Variants in ZDHHC11B observed in about 807,000 individuals in gnomAD.
ZDHHC11B encodes probable palmitoyltransferase ZDHHC11B.
ZDHHC11B carries 17 observed loss-of-function variants against 42.3 expected under a neutral mutation model. The observed-to-expected ratio is 0.40, with a 90% CI of 0.27 to 0.60. The LOEUF (loss-of-function observed/expected upper bound fraction) is 0.60. ZDHHC11B is among the 20% of genes least tolerant of loss of function. ZDHHC11B has a pLI of 0.41. For synonymous variants in ZDHHC11B, 123 were observed against 193.5 expected (o/e 0.64, Z 3.02); for missense variants, 262 against 463.2 (o/e 0.57, Z 3.99).
Position 716,884 on chromosome 5 carries a change from AAG to A in ZDHHC11B, c.1059-21_1059-20del, listed in dbSNP as rs1367397056. The A allele has an allele frequency of 5.0e-6, 8 of 1,612,630 alleles. No homozygotes were observed. Among genetic ancestry groups the A allele is most frequent in the Non-Finnish European group, 6.8e-6 (8 of 1,179,310 alleles). The stretch of plus-strand genomic sequence containing the variant: ...TTGCAGCCTGTTTGCAATATTCAGA[AAG>A]AGAGACAACAGAGAACGTATGATGT... On this transcript the variant is annotated intron_variant, in intron 12 of 13. Transcript: ENST00000508859.
intron 1 of ZDHHC11B, among the ~76,000 whole-genome samples, chr5:780,795 C>G (rs1381812684): frequency 6.6e-6 from 1 of 151,792 alleles, no homozygotes; most frequent in South Asian, 2.1e-4. Context: ...ATGGCCCAGG[C>G]TCCTCAGGCA....
At chr5:714,758 A>T (rs1741622738) in intron 13 of ZDHHC11B, among the ~76,000 whole-genome samples, 1 of 137,732 alleles carries the variant, frequency 7.3e-6, no homozygotes, top group African/African-American at 2.6e-5. Flanking sequence ...TGGTTTGGAC[A>T]TCTGACCCTT....
intron 12 of ZDHHC11B, among the ~76,000 whole-genome samples, chr5:724,951 C>CA (rs1240367149): frequency 3.4e-5 from 5 of 146,308 alleles, no homozygotes; most frequent in African/African-American, 1.3e-4. Context: ...GAGATGCACA[C>CA]ACGGCACTTC....
intron 7 of ZDHHC11B, among the ~76,000 whole-genome samples, chr5:750,744 C>G (rs1410912261): frequency 7.8e-6 from 1 of 128,284 alleles, no homozygotes; most frequent in African/African-American, 2.6e-5. Context: ...CCTCCACTCT[C>G]CCTCCCCATG....
At chr5:713,283 T>C (rs1741507298) in intron 13 of ZDHHC11B, among the ~76,000 whole-genome samples, 2 of 152,010 alleles carry the variant, frequency 1.3e-5, no homozygotes, top group South Asian at 4.2e-4. Flanking sequence ...ATCCATCCAC[T>C]TTAAAAAAAT....
chr5:772,443 C>G (rs1186444780), intron 1 of ZDHHC11B, among the ~76,000 whole-genome samples: 2 of 151,914 alleles, frequency 1.3e-5, no homozygotes, highest in Non-Finnish European at 2.9e-5. Flanking sequence ...ATGCTTCGGG[C>G]TGGGACTTGG....
rs546530115 is a variant in ZDHHC11B, at chr5:774,401, C to T, written c.-229-5471G>A. Among the ~76,000 whole-genome samples the T allele has an allele frequency of 3.9e-5, 6 of 152,324 alleles. No homozygotes were observed. The South Asian group carries it at 1.0e-3, about 26-fold the overall frequency. On this transcript the variant is annotated intron_variant, in intron 1 of 13. Transcript: ENST00000508859. ...CACTAGGACTGACCGGGCTCTGTCA[C>T]TAGGAACAGGGGTCTCGCACTTGGG...
At position 767,053 on chromosome 5, in the gene ZDHHC11B, C is replaced by T. The variant is rs369389813; in HGVS notation, c.1-134G>A. On this transcript the variant is annotated intron_variant, in intron 3 of 13. Coordinates refer to ENST00000508859, the MANE Select transcript of ZDHHC11B (RefSeq NM_001351303.2). The stretch of plus-strand genomic sequence containing the variant: ...ACTGACAGCCAATGGCCCAGCATTG[C>T]CTGGGGCCACGTTCCCCGCAGAGGG... 3,098 of 1,150,022 alleles carry T rather than the reference C, an allele frequency of 2.7e-3. 3 individuals carry two copies. In the African/African-American group the frequency reaches 0.038, roughly 14 times the overall value. 71.2% of individuals were successfully genotyped at this position (1,150,022 alleles called of 1,614,324 possible).
intron 7 of ZDHHC11B, among the ~76,000 whole-genome samples, chr5:749,355 A>T (rs28375157): frequency 7.7e-6 from 1 of 129,412 alleles, no homozygotes; most frequent in African/African-American, 2.5e-5. Flanking sequence ...GCAGAGGGCC[A>T]GGCAAGGCAG....
chr5:757,874 G>A (rs1208127040), intron 4 of ZDHHC11B, among the ~76,000 whole-genome samples: 1 of 151,868 alleles, frequency 6.6e-6, no homozygotes, highest in Non-Finnish European at 1.5e-5. Flanking sequence ...CAGGCCCTGG[G>A]GGACTCACAT....
intron 1 of ZDHHC11B, among the ~76,000 whole-genome samples, chr5:774,065 C>G (rs1418296531): frequency 2.0e-5 from 3 of 151,838 alleles, no homozygotes; most frequent in African/African-American, 4.8e-5. Context: ...GGTGTGTCAC[C>G]AGCTCCAAGG....
rs540309304 is a variant in ZDHHC11B, at chr5:765,306, T to C, written c.222+1392A>G. 2.6e-5 allele frequency among the ~76,000 whole-genome samples: 4 copies of C among 151,704 alleles called. No individual in the cohort carries two copies. In the South Asian group the frequency reaches 6.3e-4, roughly 24 times the overall value. On this transcript the variant is annotated intron_variant, in intron 4 of 13. Coordinates refer to ENST00000508859, the MANE Select transcript of ZDHHC11B (RefSeq NM_001351303.2). Reference sequence around the variant, plus strand: ...AGCACTCTGTATCTAGCTAATCTGGTGGGGACTTGGAGAATCTTTATGTCT... The same window carrying C: ...AGCACTCTGTATCTAGCTAATCTGGCGGGGACTTGGAGAATCTTTATGTCT...
chr5:773,800 G>T (rs1215031607), intron 1 of ZDHHC11B, among the ~76,000 whole-genome samples: 4 of 151,644 alleles, frequency 2.6e-5, no homozygotes, highest in Non-Finnish European at 5.9e-5. Flanking sequence ...GCCAGGACCT[G>T]CTTGGAGACT....
At chr5:726,161 C>A (rs1249557767) in intron 12 of ZDHHC11B, among the ~76,000 whole-genome samples, 16 of 151,380 alleles carry the variant, frequency 1.1e-4, no homozygotes, top group African/African-American at 3.9e-4. Context: ...ACATTTCCCA[C>A]AAAACAGACC....
chr5:721,826 T>C (rs372044831), intron 12 of ZDHHC11B, among the ~76,000 whole-genome samples: 3 of 151,746 alleles, frequency 2.0e-5, no homozygotes, highest in African/African-American at 4.9e-5. Flanking sequence ...TCAGAACTTA[T>C]TAAGCTATGG....
At chr5:729,407 G>A (rs1561123075) in intron 12 of ZDHHC11B, among the ~76,000 whole-genome samples, 1 of 150,870 alleles carries the variant, frequency 6.6e-6, no homozygotes, top group Non-Finnish European at 1.5e-5. Context: ...TTCTGTGCAG[G>A]CTGGGGCGGG....
At chr5:732,672 C>A in intron 11 of ZDHHC11B, 1 of 449,964 alleles carries the variant, frequency 2.2e-6, no homozygotes, top group African/African-American at 2.0e-5. Context: ...GCCCTGCCCC[C>A]ACAGGGAAGG....
intron 4 of ZDHHC11B, among the ~76,000 whole-genome samples, chr5:764,932 G>A (rs1735082510): frequency 9.7e-6 from 1 of 102,592 alleles, no homozygotes; most frequent in Middle Eastern, 4.3e-3. Context: ...TCAGCACTCT[G>A]TATCTAGCTA....
At chr5:719,607 A>G (rs1372096231) in intron 12 of ZDHHC11B, among the ~76,000 whole-genome samples, 9 of 151,078 alleles carry the variant, frequency 6.0e-5, no homozygotes, top group Admixed American at 5.3e-4. Flanking sequence ...GACAACCGAA[A>G]TTATCCAGTC....
Sources: allele counts gnomAD v4.1 joint callset (sites outside exome capture counted in the v4.1 genomes callset), GRCh38; gene constraint gnomAD v4.1.1; transcripts MANE v1.5; gene names NCBI Gene and HGNC (gene_info 2026-07-23, HGNC 2026-07-21).